ABI3BP: variants seen among roughly 807,000 people sequenced by gnomAD.
The protein encoded by ABI3BP is target of Nesh-SH3.
In ABI3BP, 216 loss-of-function variants were observed where a neutral mutation model predicts 268.6. The observed-to-expected ratio is 0.80, with a 90% CI of 0.72 to 0.90. ABI3BP has a LOEUF of 0.90. Among genes scored for constraint, ABI3BP ranks in the 40% least tolerant of loss-of-function variants. The pLI is 0.00. For missense variants in ABI3BP, 2,090 were observed against 2,182.4 expected (o/e 0.96, Z 0.84); for synonymous variants, 730 against 730.0 (o/e 1.00, Z 0.00).
intron 46 of ABI3BP, 90 bp downstream of exon 46, chr3:100,812,377 A>G (rs2097883413): frequency 1.1e-6 from 1 of 874,524 alleles, no homozygotes; most frequent in African/African-American, 1.7e-5. Flanking sequence ...TGGCTATGAA[A>G]TGTCACAAAG....
At chr3:100,821,406 A>G (rs1247081088) in intron 38 of ABI3BP, among the ~76,000 whole-genome samples, 1 of 152,158 alleles carries the variant, frequency 6.6e-6, no homozygotes, top group Non-Finnish European at 1.5e-5. Flanking sequence ...AGGCCTTAGC[A>G]TGATGAATTG....
intron 18 of ABI3BP, 84 bp downstream of exon 18, chr3:100,848,717 G>T: frequency 7.3e-7 from 1 of 1,362,128 alleles, no homozygotes; most frequent in Non-Finnish European, 1.0e-6. Context: ...GTGAGCCACT[G>T]CACCTGGCTA....
chr3:100,859,807 A>G (rs146488414), intron 14 of ABI3BP, among the ~76,000 whole-genome samples: 1 of 152,210 alleles, frequency 6.6e-6, no homozygotes, highest in African/African-American at 2.4e-5. Flanking sequence ...TATTGATTTG[A>G]GGCCTATGGT....
chr3:100,811,331 G>A lies in ABI3BP; in HGVS notation c.3494-54C>T. The A allele has an allele frequency of 4.6e-6, 6 of 1,308,982 alleles. No homozygotes were observed. The South Asian group carries it at 6.9e-5, about 15-fold the overall frequency. The allele number at this position is 1,308,982 out of a possible 1,614,324, so 81.1% of individuals were successfully genotyped here. The stretch of plus-strand genomic sequence containing the variant: ...AGAAACTGTAAGATATTAAGCTATA[G>A]CATTTTTTTGAATATCAAATTTTAT... On this transcript the variant is annotated intron_variant, in intron 47 of 67. Transcript: ENST00000471714.
chr3:100,901,282 T>C (rs2050169243), intron 3 of ABI3BP, among the ~76,000 whole-genome samples: 1 of 152,170 alleles, frequency 6.6e-6, no homozygotes, highest in Admixed American at 6.5e-5. Flanking sequence ...GGGGAGGGAA[T>C]TGTGGCAACT....
At chr3:100,832,501 A>G (rs1026261993) in intron 30 of ABI3BP, among the ~76,000 whole-genome samples, 151 bp from the exon 31 acceptor site, 5 of 152,164 alleles carry the variant, frequency 3.3e-5, no homozygotes, top group Non-Finnish European at 7.4e-5. Context: ...TCAGTATCTT[A>G]ATAGGTTTTC....
At chr3:100,866,249 C>CA (rs1266132640) in intron 10 of ABI3BP, among the ~76,000 whole-genome samples, 1 of 152,146 alleles carries the variant, frequency 6.6e-6, no homozygotes, top group Non-Finnish European at 1.5e-5. Flanking sequence ...ACTACTCTGG[C>CA]AAAAACTCTA....
chr3:100,887,882 AAT>A (rs2042709706), intron 4 of ABI3BP, among the ~76,000 whole-genome samples: 1 of 152,056 alleles, frequency 6.6e-6, no homozygotes, highest in Non-Finnish European at 1.5e-5. Flanking sequence ...TGTGGGGCTC[AAT>A]AAGAAATGAA....
In ABI3BP at chr3:100,822,631, T is replaced by C; in HGVS notation, c.2845A>G (p.Thr949Ala). The change falls in exon 38 of 68, where the codon ACA becomes GCA. Residue 949 changes from threonine (T) to alanine (A), a missense_variant. By Grantham distance (58) the Thr-to-Ala change is moderately conservative. Transcript: ENST00000471714. ...GCTTCAGGACGTGGTGTGGTTTTTG[T>C]TCTGAGACGTGGACGACGTGTCCGT... ...SQRTRRPRLR[T>A]KTTPRPEAPE... The C allele has an allele frequency of 6.5e-7, 1 of 1,536,656 alleles. No individual in the cohort carries two copies. The highest frequency in any genetic ancestry group is 8.7e-7 in the Non-Finnish European group (1 of 1,146,988).
At chr3:100,808,834 AT>A (rs2097777883) in intron 49 of ABI3BP, among the ~76,000 whole-genome samples, 1 of 152,018 alleles carries the variant, frequency 6.6e-6, no homozygotes, top group Non-Finnish European at 1.5e-5. Context: ...GTAAAAACCA[AT>A]TTTTTCTTCA....
chr3:100,842,469 T>C (rs1241995602), intron 20 of ABI3BP, among the ~76,000 whole-genome samples: 1 of 152,226 alleles, frequency 6.6e-6, no homozygotes, highest in African/African-American at 2.4e-5. Flanking sequence ...TGGCTGGACC[T>C]GACGTTCTCT....
chr3:100,840,039 C>G (rs1485338004), intron 23 of ABI3BP, 33 bp downstream of exon 23: 30 of 1,384,558 alleles, frequency 2.2e-5, no homozygotes, highest in Non-Finnish European at 2.9e-5. Context: ...ATTCCACTTT[C>G]TATGTTAATT....
chr3:100,790,462 A>G (rs2097168566), intron 55 of ABI3BP, among the ~76,000 whole-genome samples: 1 of 152,040 alleles, frequency 6.6e-6, no homozygotes, highest in African/African-American at 2.4e-5. Context: ...GTGGATATTT[A>G]TATAGCCATA....
At chr3:100,923,995 A>T (rs2061069936) in intron 2 of ABI3BP, among the ~76,000 whole-genome samples, 1 of 152,098 alleles carries the variant, frequency 6.6e-6, no homozygotes, top group Admixed American at 6.6e-5. Context: ...ACATAGTACC[A>T]CCTGTAAAGT....
At chr3:100,980,468 T>C (rs1019991277) in intron 1 of ABI3BP, among the ~76,000 whole-genome samples, 4 of 152,236 alleles carry the variant, frequency 2.6e-5, no homozygotes, top group African/African-American at 9.6e-5. Flanking sequence ...CACATTTTTT[T>C]CCAGTATTCA....
In ABI3BP at chr3:100,862,343, G is replaced by A. The variant is rs1247948882; in HGVS notation, c.1253C>T (p.Ser418Phe). ...KPWIVPTAKISEDSKVLQPQT... is the reference protein window; with the variant it reads ...KPWIVPTAKIFEDSKVLQPQT... ...AGGCTGCAGAACTTTGGAATCTTCA[G>A]ATATTTTAGCTGTAGGCACAATCCA... Residue 418 changes from serine to phenylalanine, a missense_variant, in exon 14 of 68, where the codon TCT becomes TTT. Ser to Phe is a radical substitution (Grantham distance 155). Coordinates refer to ENST00000471714, the MANE Select transcript of ABI3BP (RefSeq NM_001375547.2). The A allele has an allele frequency of 3.7e-6, 6 of 1,604,330 alleles. No homozygotes were observed. The Admixed American group carries it at 1.0e-4, about 27-fold the overall frequency.
intron 1 of ABI3BP, among the ~76,000 whole-genome samples, chr3:100,945,226 C>G (rs2071540339): frequency 6.6e-6 from 1 of 151,972 alleles, no homozygotes; most frequent in South Asian, 2.1e-4. Flanking sequence ...CAGGTCTCCC[C>G]AATTGTACTT....
chr3:100,839,859 G>A (rs1221299717), intron 23 of ABI3BP, among the ~76,000 whole-genome samples: 2 of 152,054 alleles, frequency 1.3e-5, no homozygotes, highest in African/African-American at 4.8e-5. Context: ...CCAGCTTTCT[G>A]CTGTGTGTAC....
chr3:100,775,653 G>A (rs1372138820), intron 59 of ABI3BP, among the ~76,000 whole-genome samples: 1 of 152,146 alleles, frequency 6.6e-6, no homozygotes, highest in East Asian at 1.9e-4. Context: ...CCTTCACAGA[G>A]GATGTGCCAA....
Sources: gnomAD v4.1 joint callset for allele counts (sites outside exome capture counted in the v4.1 genomes callset) on GRCh38, gnomAD v4.1.1 for gene constraint, MANE v1.5 for transcripts, NCBI Gene and HGNC (gene_info 2026-07-23, HGNC 2026-07-21) for gene names.